The following RNGTT variants were observed in gnomAD, a reference collection of about 807,000 sequenced individuals.
RNGTT encodes the protein RNA guanylyltransferase and 5'-phosphatase.
A neutral mutation model predicts 79.3 loss-of-function variants in RNGTT; 33 were observed. That is an observed-to-expected ratio of 0.42 (90% CI 0.32 to 0.56). The LOEUF is 0.56. RNGTT is among the 20% of genes least tolerant of loss of function. The pLI, the probability that RNGTT is intolerant of heterozygous loss-of-function variation, is 0.17. For missense variants in RNGTT, 497 were observed against 739.1 expected (o/e 0.67, Z 3.80); for synonymous variants, 222 against 235.9 (o/e 0.94, Z 0.54).
At position 88,713,372 on chromosome 6, in the gene RNGTT, T is replaced by C. The variant is rs115341764; in HGVS notation, c.1440-34953A>G. On this transcript the variant is annotated intron_variant, in intron 13 of 15. Transcript: ENST00000369485. ...TCTGTTGTTTAAGTTACCCAGTCTATGGTATTCTTATTATAGCAGCCCAAT... is the reference window on the plus strand; with the variant it reads ...TCTGTTGTTTAAGTTACCCAGTCTACGGTATTCTTATTATAGCAGCCCAAT... 2.4e-3 allele frequency among the ~76,000 whole-genome samples: 361 copies of C among 152,184 alleles called. 1 individual carries two copies. The highest frequency in any genetic ancestry group is 8.2e-3 in the African/African-American group (341 of 41,520).
At chr6:88,701,016 T>C (rs1404522610) in intron 13 of RNGTT, among the ~76,000 whole-genome samples, 1 of 151,976 alleles carries the variant, frequency 6.6e-6, no homozygotes, top group Non-Finnish European at 1.5e-5. Context: ...AGTTCAAAAA[T>C]ATAAATCTGT....
intron 13 of RNGTT, among the ~76,000 whole-genome samples, chr6:88,693,343 T>C (rs1236926956): frequency 6.6e-6 from 1 of 152,154 alleles, no homozygotes; most frequent in Non-Finnish European, 1.5e-5. Flanking sequence ...TGAACAACTA[T>C]ATGCCAATAA....
At chr6:88,766,325 A>T (rs144431929) in intron 13 of RNGTT, among the ~76,000 whole-genome samples, 1 of 152,268 alleles carries the variant, frequency 6.6e-6, no homozygotes, top group African/African-American at 2.4e-5. Context: ...ATTGTACTCA[A>T]GAGTTTGCAA....
chr6:88,893,674 TA>T (rs1783127621), intron 6 of RNGTT, among the ~76,000 whole-genome samples: 1 of 152,178 alleles, frequency 6.6e-6, no homozygotes, highest in East Asian at 1.9e-4. Flanking sequence ...TTATAAAAGT[TA>T]ACCCCAATCA....
At chr6:88,783,231 T>A (rs1018290551) in intron 12 of RNGTT, among the ~76,000 whole-genome samples, 2 of 152,164 alleles carry the variant, frequency 1.3e-5, no homozygotes, top group African/African-American at 4.8e-5. Flanking sequence ...AAAAGTAATT[T>A]ATGCCATTTG....
At chr6:88,635,039 G>A (rs1773049571) in intron 14 of RNGTT, among the ~76,000 whole-genome samples, 1 of 151,934 alleles carries the variant, frequency 6.6e-6, no homozygotes, top group Admixed American at 6.6e-5. Flanking sequence ...GGAGAATTGA[G>A]GTTACATTTG....
intron 13 of RNGTT, among the ~76,000 whole-genome samples, chr6:88,727,778 G>A (rs986511476): frequency 2.2e-4 from 34 of 152,306 alleles, no homozygotes; most frequent in Non-Finnish European, 1.9e-4. Flanking sequence ...AAAGTCCACT[G>A]CTGATGTCCC....
chr6:88,961,372 T>C (rs1468967483), intron 1 of RNGTT, among the ~76,000 whole-genome samples: 2 of 152,154 alleles, frequency 1.3e-5, no homozygotes, highest in African/African-American at 2.4e-5. Flanking sequence ...TATATGTACA[T>C]ATATTTCCTA....
intron 10 of RNGTT, 111 bp downstream of exon 10, chr6:88,849,644 G>C: frequency 1.1e-6 from 1 of 944,332 alleles, no homozygotes; most frequent in Non-Finnish European, 1.4e-6. Flanking sequence ...TGAGTAACCT[G>C]AGTCACAAAT....
intron 14 of RNGTT, among the ~76,000 whole-genome samples, chr6:88,663,620 C>T (rs778748847): frequency 1.3e-5 from 2 of 152,198 alleles, no homozygotes; most frequent in African/African-American, 4.8e-5. Flanking sequence ...TGGTGCCCCT[C>T]CTTACCAAGA....
intron 4 of RNGTT, among the ~76,000 whole-genome samples, chr6:88,913,582 A>G (rs1783905488): frequency 6.6e-6 from 1 of 152,246 alleles, no homozygotes; most frequent in African/African-American, 2.4e-5. Flanking sequence ...GTGATTTAAC[A>G]CATAAACAGA....
chr6:88,826,193 A>G (rs1780650167), intron 11 of RNGTT, among the ~76,000 whole-genome samples: 1 of 152,212 alleles, frequency 6.6e-6, no homozygotes, highest in South Asian at 2.1e-4. Flanking sequence ...AACCGATAGC[A>G]TCTTATTTGG....
At position 88,929,086 on chromosome 6, in the gene RNGTT, A is replaced by C. The variant is rs1051619181; in HGVS notation, c.279-13T>G. The C allele has an allele frequency of 6.2e-7, 1 of 1,603,410 alleles. No individual in the cohort carries two copies. Among genetic ancestry groups the C allele is most frequent in the African/African-American group, 1.4e-5 (1 of 74,026 alleles). On this transcript the variant is annotated splice_polypyrimidine_tract_variant and intron_variant, in intron 3 of 15. Coordinates refer to ENST00000369485, the MANE Select transcript of RNGTT (RefSeq NM_003800.5). ...GCACTCACCATGTCTAGTAATATAGAAAAAGTTTTTTTGAAAAAAGAGATT... is the reference window on the plus strand; with the variant it reads ...GCACTCACCATGTCTAGTAATATAGCAAAAGTTTTTTTGAAAAAAGAGATT...
intron 14 of RNGTT, among the ~76,000 whole-genome samples, chr6:88,648,350 G>C (rs1773657251): frequency 6.6e-6 from 1 of 152,040 alleles, no homozygotes; most frequent in Non-Finnish European, 1.5e-5. Context: ...TCTTATGGCA[G>C]TCTGCATTGT....
At position 88,612,760 on chromosome 6, in the gene RNGTT, T is replaced by C. The variant is rs756065539; in HGVS notation, c.1753A>G (p.Met585Val). The C allele has an allele frequency of 1.9e-6, 3 of 1,612,394 alleles. No homozygotes were observed. The highest frequency in any genetic ancestry group is 3.3e-5 in the Admixed American group (2 of 59,996). The change falls in exon 16 of 16, where the codon ATG becomes GTG. Residue 585 changes from methionine to valine, a missense_variant. By Grantham distance (21) the Met-to-Val change is conservative. Coordinates refer to ENST00000369485, the MANE Select transcript of RNGTT (RefSeq NM_003800.5). Reference sequence around the variant, plus strand: ...GGTCTTTTGGGAGGTGGTGGTGGCATGAGCTCCGTGTCAGGGTCCAGATGA... The same window carrying C: ...GGTCTTTTGGGAGGTGGTGGTGGCACGAGCTCCGTGTCAGGGTCCAGATGA... ...KHHLDPDTELMPPPPPKRPRP... is the reference protein window; with the variant it reads ...KHHLDPDTELVPPPPPKRPRP...
At chr6:88,803,442 C>T (rs532596671) in intron 11 of RNGTT, among the ~76,000 whole-genome samples, 13 of 151,592 alleles carry the variant, frequency 8.6e-5, no homozygotes, top group East Asian at 7.8e-4. Context: ...GGTGTGGTGG[C>T]GCGCGCCTGT....
intron 2 of RNGTT, among the ~76,000 whole-genome samples, chr6:88,937,345 C>CA (rs1369174359): frequency 0.02 from 2,889 of 141,684 alleles, 28 homozygotes; most frequent in African/African-American, 0.023. Context: ...AACTCCATCT[C>CA]AAAAAAAAAA....
intron 1 of RNGTT, among the ~76,000 whole-genome samples, chr6:88,951,959 G>T (rs920186924): frequency 1.3e-5 from 2 of 152,154 alleles, no homozygotes; most frequent in Non-Finnish European, 2.9e-5. Context: ...CTGCAGATAT[G>T]AGCACAAAAG....
At chr6:88,799,090 C>A (rs1779696162) in intron 12 of RNGTT, among the ~76,000 whole-genome samples, 1 of 150,270 alleles carries the variant, frequency 6.7e-6, no homozygotes, top group Non-Finnish European at 1.5e-5. Context: ...CAGAAAATGA[C>A]AAATATTTAG....
Sources: allele counts gnomAD v4.1 joint callset (sites outside exome capture counted in the v4.1 genomes callset), GRCh38; gene constraint gnomAD v4.1.1; transcripts MANE v1.5; gene names NCBI Gene and HGNC (gene_info 2026-07-23, HGNC 2026-07-21).